SNTG2: variants seen among roughly 807,000 people sequenced by gnomAD.
SNTG2 encodes syntrophin gamma 2, also known as gamma-2-syntrophin.
In SNTG2, 74 loss-of-function variants were observed where a neutral mutation model predicts 70.9. The ratio of observed to expected loss-of-function variants is 1.04; its 90% CI spans 0.86 to 1.27. The LOEUF is 1.27. Among genes scored for constraint, SNTG2 ranks in the 50% most tolerant of loss-of-function variants. SNTG2 has a pLI of 0.00. For synonymous variants in SNTG2, 278 were observed against 273.8 expected, an observed-to-expected ratio of 1.02 and a Z score of -0.15; for missense variants, 717 against 690.7, an observed-to-expected ratio of 1.04 and a Z score of -0.43.
chr2:1,306,308 C>T (rs993322808), intron 14 of SNTG2, among the ~76,000 whole-genome samples: 2 of 152,056 alleles, frequency 1.3e-5, no homozygotes, highest in Non-Finnish European at 2.9e-5. Context: ...TGTGTGAAGC[C>T]CAAGGCAGAT....
intron 6 of SNTG2, among the ~76,000 whole-genome samples, chr2:1,149,195 G>A (rs1669299821): frequency 8.2e-4 from 11 of 13,426 alleles, no homozygotes; most frequent in African/African-American, 2.0e-3. Flanking sequence ...TGTCGGACGT[G>A]TGTGTGTGTG....
At position 1,098,379 on chromosome 2, in the gene SNTG2, C is replaced by T. The variant is rs369324271; in HGVS notation, c.294C>T (p.Val98=). ...GAGGTTCTGAGCACAACGTCCCTGTCGTCATATCAAAAATATTCGAAGACC... is the reference window on the plus strand; with the variant it reads ...GAGGTTCTGAGCACAACGTCCCTGTTGTCATATCAAAAATATTCGAAGACC... The part of the protein sequence containing the change: ...IKGGSEHNVP[V]VISKIFEDQA... The change falls in exon 4 of 17, where the codon GTC becomes GTT. Residue 98 remains valine (V), a synonymous_variant. Transcript: ENST00000308624. 1.3e-4 allele frequency: 210 copies of T among 1,613,812 alleles called. 2 individuals are homozygous for T. Among genetic ancestry groups the T allele is most frequent in the South Asian group, 9.8e-4 (89 of 91,080 alleles).
intron 4 of SNTG2, among the ~76,000 whole-genome samples, chr2:1,124,907 G>A (rs889211688): frequency 1.8e-4 from 27 of 152,256 alleles, no homozygotes; most frequent in African/African-American, 6.0e-4. Context: ...CAATCATACC[G>A]TGTTGGGGAT....
intron 16 of SNTG2, among the ~76,000 whole-genome samples, chr2:1,318,891 C>T (rs1354677730): frequency 6.6e-6 from 1 of 152,170 alleles, no homozygotes; most frequent in Non-Finnish European, 1.5e-5. Context: ...CTGCGGTGTC[C>T]CCGTGGCTTT....
At chr2:1,244,165 T>G (rs576991137) in intron 11 of SNTG2, among the ~76,000 whole-genome samples, 56 of 152,340 alleles carry the variant, frequency 3.7e-4, no homozygotes, top group Non-Finnish European at 7.4e-4. Context: ...CCTTAGAATT[T>G]CTCATCAGAA....
chr2:1,362,612 G>T (rs1381079900), intron 16 of SNTG2, among the ~76,000 whole-genome samples: 1 of 150,914 alleles, frequency 6.6e-6, no homozygotes, highest in East Asian at 2.0e-4. Flanking sequence ...TTCCATGAAG[G>T]TCACCGACAC....
At chr2:1,254,199 A>G (rs1293695251) in intron 12 of SNTG2, among the ~76,000 whole-genome samples, 1 of 152,220 alleles carries the variant, frequency 6.6e-6, no homozygotes, top group Non-Finnish European at 1.5e-5. Flanking sequence ...TCCGTGTTTC[A>G]CAGCTCAGTT....
intron 1 of SNTG2, among the ~76,000 whole-genome samples, chr2:1,010,560 G>A (rs995457713): frequency 6.6e-6 from 1 of 152,236 alleles, no homozygotes; most frequent in Non-Finnish European, 1.5e-5. Flanking sequence ...CCAACAGGAT[G>A]CCACAGGAAA....
intron 9 of SNTG2, among the ~76,000 whole-genome samples, chr2:1,225,806 G>A (rs947822896): frequency 1.3e-5 from 2 of 152,226 alleles, no homozygotes; most frequent in Non-Finnish European, 2.9e-5. Context: ...GATTCGTCCT[G>A]CTCTTGAGTG....
At chr2:966,856 A>G (rs1415227902) in intron 1 of SNTG2, among the ~76,000 whole-genome samples, 1 of 152,110 alleles carries the variant, frequency 6.6e-6, no homozygotes. Flanking sequence ...CTGAGGCAGG[A>G]GAATTGCTTG....
chr2:1,325,904 G>C (rs1681737753), intron 16 of SNTG2, among the ~76,000 whole-genome samples: 2 of 151,990 alleles, frequency 1.3e-5, no homozygotes, highest in South Asian at 4.2e-4. Context: ...TGTGATCTCA[G>C]CTCACCGCCA....
At chr2:1,279,913 GAAT>G (rs1679446712) in intron 14 of SNTG2, among the ~76,000 whole-genome samples, 1 of 152,168 alleles carries the variant, frequency 6.6e-6, no homozygotes, top group African/African-American at 2.4e-5. Flanking sequence ...AGATCGTTTT[GAAT>G]AAGTCACTGA....
chr2:1,349,208 G>T (rs868833568), intron 16 of SNTG2, among the ~76,000 whole-genome samples: 1 of 152,174 alleles, frequency 6.6e-6, no homozygotes, highest in Non-Finnish European at 1.5e-5. Flanking sequence ...TCCTGGTTGG[G>T]GGGGTCACTG....
At chr2:1,157,517 C>T (rs1338893856) in intron 6 of SNTG2, among the ~76,000 whole-genome samples, 1 of 152,198 alleles carries the variant, frequency 6.6e-6, no homozygotes, top group Non-Finnish European at 1.5e-5. Context: ...GGGCTGTGCA[C>T]GTCCCTCACA....
intron 16 of SNTG2, among the ~76,000 whole-genome samples, chr2:1,347,859 C>T (rs1660376656): frequency 6.6e-6 from 1 of 152,218 alleles, no homozygotes; most frequent in South Asian, 2.1e-4. Context: ...TGCTGCCTCA[C>T]CCATCATCTT....
intron 13 of SNTG2, chr2:1,262,787 GTAA>G (rs1678509368): frequency 1.3e-5 from 2 of 151,390 alleles, no homozygotes; most frequent in African/African-American, 2.4e-5. Flanking sequence ...TGCAGACGAG[GTAA>G]CCGGAAGGCT....
At chr2:1,329,185 T>C (rs1681886539) in intron 16 of SNTG2, among the ~76,000 whole-genome samples, 1 of 152,202 alleles carries the variant, frequency 6.6e-6, no homozygotes, top group South Asian at 2.1e-4. Context: ...TAAAGCTGTT[T>C]GTCTTTGGCT....
At chr2:1,229,940 G>A (rs1198212807) in intron 9 of SNTG2, among the ~76,000 whole-genome samples, 1 of 152,214 alleles carries the variant, frequency 6.6e-6, no homozygotes, top group African/African-American at 2.4e-5. Flanking sequence ...TGGCCCGCAA[G>A]CGCCGCACGC....
At chr2:1,315,084 T>C (rs1376901179) in intron 15 of SNTG2, among the ~76,000 whole-genome samples, 1 of 152,212 alleles carries the variant, frequency 6.6e-6, no homozygotes, top group Non-Finnish European at 1.5e-5. Flanking sequence ...ATTCTAATGC[T>C]AAAAGGATCC....
Sources: allele counts gnomAD v4.1 joint callset (sites outside exome capture counted in the v4.1 genomes callset), GRCh38; gene constraint gnomAD v4.1.1; transcripts MANE v1.5; gene names NCBI Gene and HGNC (gene_info 2026-07-23, HGNC 2026-07-21).